LRFN5: variants seen among roughly 807,000 people sequenced by gnomAD.
The protein encoded by LRFN5 is leucine rich repeat and fibronectin type III domain containing 5.
Under a neutral mutation model 45.6 loss-of-function variants are expected in LRFN5, and 24 were observed. The observed-to-expected ratio is 0.53, with a 90% CI of 0.38 to 0.74. The LOEUF (loss-of-function observed/expected upper bound fraction) is 0.74. Ranked by LOEUF, LRFN5 falls within the 30% of genes least tolerant of loss-of-function variation. The pLI is 0.00. For synonymous variants in LRFN5, 340 were observed against 313.8 expected (o/e 1.08, Z -0.88); for missense variants, 776 against 861.5 (o/e 0.90, Z 1.24).
intron 4 of LRFN5, chr14:41,892,464 T>C: frequency 2.0e-6 from 2 of 982,562 alleles, no homozygotes; most frequent in Non-Finnish European, 2.4e-6. Context: ...TGAAAATTGT[T>C]GTAGAAAAAA....
chr14:41,655,130 C>A (rs370748371), intron 1 of LRFN5, among the ~76,000 whole-genome samples: 1 of 151,974 alleles, frequency 6.6e-6, no homozygotes, highest in Non-Finnish European at 1.5e-5. Flanking sequence ...CTTATAGCTA[C>A]GTACAAGACA....
intron 1 of LRFN5, among the ~76,000 whole-genome samples, chr14:41,746,144 A>G (rs974961892): frequency 6.6e-6 from 1 of 152,012 alleles, no homozygotes; most frequent in African/African-American, 2.4e-5. Flanking sequence ...TATTAAAAGG[A>G]TTATATACCG....
chr14:41,774,298 A>G (rs1886198782), intron 2 of LRFN5, among the ~76,000 whole-genome samples: 1 of 152,210 alleles, frequency 6.6e-6, no homozygotes, highest in Non-Finnish European at 1.5e-5. Flanking sequence ...ATCTCCATAT[A>G]CCACTACAGA....
chr14:41,830,186 A>G (rs2139031636), intron 2 of LRFN5, among the ~76,000 whole-genome samples: 1 of 151,790 alleles, frequency 6.6e-6, no homozygotes, highest in African/African-American at 2.4e-5. Context: ...TTGTGTTTAT[A>G]TCTGTCTTTT....
chr14:41,774,520 T>C (rs1054752581), intron 2 of LRFN5, among the ~76,000 whole-genome samples: 4 of 152,148 alleles, frequency 2.6e-5, no homozygotes, highest in Admixed American at 1.3e-4. Flanking sequence ...AATGCTAACA[T>C]AATATTACTA....
At chr14:41,884,684 T>G (rs1221513646) in intron 2 of LRFN5, among the ~76,000 whole-genome samples, 1 of 152,152 alleles carries the variant, frequency 6.6e-6, no homozygotes, top group Non-Finnish European at 1.5e-5. Flanking sequence ...GATCTCCACC[T>G]GGCAGCCTCC....
At chr14:41,782,428 C>T (rs75829482) in intron 2 of LRFN5, among the ~76,000 whole-genome samples, 1,663 of 152,090 alleles carry the variant, frequency 0.011, 29 homozygotes, top group African/African-American at 0.037. Context: ...TTGTCATCTG[C>T]TCTTGCATGA....
chr14:41,616,411 A>T (rs1241287668), intron 1 of LRFN5, among the ~76,000 whole-genome samples: 1 of 152,154 alleles, frequency 6.6e-6, no homozygotes, highest in Non-Finnish European at 1.5e-5. Flanking sequence ...TGAGAAACAA[A>T]CATTCTTTCA....
Position 41,707,208 on chromosome 14 carries a change from A to G in LRFN5, c.-196-59646A>G, listed in dbSNP as rs180878378. Among the ~76,000 whole-genome samples the G allele has an allele frequency of 6.4e-4, 98 of 152,354 alleles. 1 individual carries two copies. Among genetic ancestry groups the G allele is most frequent in the African/African-American group, 2.1e-3 (86 of 41,578 alleles). On this transcript the variant is annotated intron_variant, in intron 1 of 5. Transcript: ENST00000298119. ...TTTTATCTTACTAAGGTGGAAGGCA[A>G]GAATATACATTAGGAGGTCAGAGGC...
At chr14:41,610,662 A>T (rs76565930) in intron 1 of LRFN5, among the ~76,000 whole-genome samples, 2 of 86,138 alleles carry the variant, frequency 2.3e-5, no homozygotes, top group East Asian at 8.1e-4. Flanking sequence ...CAGGGAAGGT[A>T]AAAAAAAAAA....
chr14:41,744,318 C>T (rs1884828598), intron 1 of LRFN5, among the ~76,000 whole-genome samples: 1 of 152,064 alleles, frequency 6.6e-6, no homozygotes, highest in African/African-American at 2.4e-5. Flanking sequence ...TATCGTGCCA[C>T]TTCACTCCCA....
chr14:41,793,114 A>G (rs983327403), intron 2 of LRFN5, among the ~76,000 whole-genome samples: 6 of 151,698 alleles, frequency 4.0e-5, no homozygotes, highest in African/African-American at 1.5e-4. Context: ...TAACCTTCAC[A>G]TTGTGCACAT....
rs555898354 is a variant in LRFN5, at chr14:41,885,470, CAA to C, written c.-20-1134_-20-1133del. Among the ~76,000 whole-genome samples, 102 of 151,860 alleles carry C rather than the reference CAA, an allele frequency of 6.7e-4. 1 individual carries two copies. Among genetic ancestry groups the C allele is most frequent in the Middle Eastern group, 6.8e-3 (2 of 292 alleles). On this transcript the variant is annotated intron_variant, in intron 2 of 5. Coordinates refer to ENST00000298119, the MANE Select transcript of LRFN5 (RefSeq NM_152447.5). ...GATCAAACAGAAAAATGAAAATTGTCAAAGTGTTTATTTAAAATAAAATTTGG... is the reference window on the plus strand; with the variant it reads ...GATCAAACAGAAAAATGAAAATTGTCAGTGTTTATTTAAAATAAAATTTGG...
intron 2 of LRFN5, among the ~76,000 whole-genome samples, chr14:41,844,236 G>A (rs1305453920): frequency 1.3e-5 from 2 of 152,184 alleles, no homozygotes; most frequent in Admixed American, 6.5e-5. Flanking sequence ...AGGAGATCGA[G>A]ACCATCCTGG....
chr14:41,672,029 T>C (rs1007578217), intron 1 of LRFN5, among the ~76,000 whole-genome samples: 1 of 152,226 alleles, frequency 6.6e-6, no homozygotes, highest in Non-Finnish European at 1.5e-5. Context: ...TAGTTATCTT[T>C]CCATAAGCCA....
chr14:41,639,949 A>ATTTTTTTTTT (rs34020254), intron 1 of LRFN5, among the ~76,000 whole-genome samples: 3 of 68,036 alleles, frequency 4.4e-5, no homozygotes, highest in Non-Finnish European at 5.3e-5. Flanking sequence ...TGACTGGCTA[A>ATTTTTTTTTT]TTTTTTTTTT....
At position 41,710,217 on chromosome 14, in the gene LRFN5, A is replaced by G. The variant is rs368739450; in HGVS notation, c.-196-56637A>G. Among the ~76,000 whole-genome samples the G allele has an allele frequency of 2.4e-4, 37 of 152,294 alleles. No individual in the cohort carries two copies. The South Asian group carries it at 7.2e-3, about 30-fold the overall frequency. ...AATATAATACTGCAAGAAAGTATCA[A>G]TACATTTTCTTTGGTATTAGTATGA... On this transcript the variant is annotated intron_variant, in intron 1 of 5. Coordinates refer to ENST00000298119, the MANE Select transcript of LRFN5 (RefSeq NM_152447.5).
intron 1 of LRFN5, among the ~76,000 whole-genome samples, chr14:41,733,067 A>AT (rs1178771258): frequency 2.0e-5 from 3 of 151,882 alleles, no homozygotes; most frequent in African/African-American, 7.3e-5. Context: ...AAAAAAACAG[A>AT]TTGAACAAAA....
At chr14:41,731,777 T>G (rs1884189259) in intron 1 of LRFN5, 1 of 152,194 alleles carries the variant, frequency 6.6e-6, no homozygotes, top group Non-Finnish European at 1.5e-5. Context: ...TTCAGATATT[T>G]GAGCTAAATT....
Sources: gnomAD v4.1 joint callset for allele counts (sites outside exome capture counted in the v4.1 genomes callset) on GRCh38, gnomAD v4.1.1 for gene constraint, MANE v1.5 for transcripts, NCBI Gene and HGNC (gene_info 2026-07-23, HGNC 2026-07-21) for gene names.